Variants in SYCP2 observed in about 807,000 individuals in gnomAD.
The protein encoded by SYCP2 is synaptonemal complex protein 2.
Under a neutral mutation model 211.3 loss-of-function variants are expected in SYCP2, and 55 were observed. The ratio of observed to expected loss-of-function variants is 0.26; its 90% CI spans 0.21 to 0.33. SYCP2 has a LOEUF of 0.33. Among genes scored for constraint, SYCP2 ranks in the 10% least tolerant of loss-of-function variants. The probability of loss-of-function intolerance (pLI) is 1.00; values close to 1 mark genes in which losing one functional copy is unlikely to be tolerated. For synonymous variants in SYCP2, 570 were observed against 555.2 expected (o/e 1.03, Z -0.37); for missense variants, 1,731 against 1,752.0 (o/e 0.99, Z 0.21).
chr20:59,887,939 C>T (rs2059827230), intron 24 of SYCP2, among the ~76,000 whole-genome samples: 4 of 151,960 alleles, frequency 2.6e-5, no homozygotes, highest in Admixed American at 6.6e-5. Flanking sequence ...GGACCAATTC[C>T]TTGAAAGACA....
At chr20:59,881,375 G>C (rs1038812698) in intron 29 of SYCP2, 62 bp downstream of exon 29, 4 of 848,010 alleles carry the variant, frequency 4.7e-6, no homozygotes, top group Non-Finnish European at 1.8e-6. Context: ...CTCTAAGACT[G>C]GGAGGAGATA....
chr20:59,896,467 C>T lies in SYCP2; in HGVS notation c.1466G>A (p.Arg489Lys). The T allele has an allele frequency of 6.2e-7, 1 of 1,609,488 alleles. No homozygotes were observed. The highest frequency in any genetic ancestry group is 1.1e-5 in the South Asian group (1 of 90,734). ...AAGCACTGGACTTCTCATAGTGTAT[C>T]TATCTGCACCAGAAACAATCATTGA... The part of the protein sequence containing the change: ...EASMIVSGAD[R>K]YTMRSPVLFS... The change falls in exon 19 of 45, where the codon AGA (arginine) becomes AAA (lysine). Residue 489 changes from arginine to lysine, a missense_variant. This residue lies in a region of SYCP2 where 1,387 missense variants were observed against 1,351.3 expected (regional missense o/e 1.03). Coordinates refer to ENST00000357552, the MANE Select transcript of SYCP2 (RefSeq NM_014258.4).
At chr20:59,906,979 T>A (rs2060225977) in intron 15 of SYCP2, among the ~76,000 whole-genome samples, 1 of 152,156 alleles carries the variant, frequency 6.6e-6, no homozygotes, top group African/African-American at 2.4e-5. Flanking sequence ...TGATAAAATA[T>A]GTCTTAATAT....
intron 19 of SYCP2, among the ~76,000 whole-genome samples, 197 bp from the exon 20 acceptor site, chr20:59,895,794 T>A (rs1364894555): frequency 2.6e-5 from 4 of 152,040 alleles, no homozygotes; most frequent in African/African-American, 9.7e-5. Flanking sequence ...GGTGGAAAGA[T>A]TAATTTAATT....
At chr20:59,921,852 A>T (rs1441822494) in intron 3 of SYCP2, among the ~76,000 whole-genome samples, 3 of 151,532 alleles carry the variant, frequency 2.0e-5, no homozygotes, top group Non-Finnish European at 4.4e-5. Context: ...AAAAATACAT[A>T]AAGACAGGCA....
chr20:59,896,419 TAA>T lies in SYCP2; in HGVS notation c.1504+8_1504+9del. Reference sequence around the variant, plus strand: ...AATTGTTAGAAATCTTTTAAAACTATAAAACTTACATGTGTTGCTGAAAAGCA... The same window carrying T: ...AATTGTTAGAAATCTTTTAAAACTATAACTTACATGTGTTGCTGAAAAGCA... On this transcript the variant is annotated splice_region_variant and intron_variant, in intron 19 of 44. Coordinates refer to ENST00000357552, the MANE Select transcript of SYCP2 (RefSeq NM_014258.4). The T allele has an allele frequency of 6.8e-7, 1 of 1,469,764 alleles. No homozygotes were observed. The allele number at this position is 1,469,764 out of a possible 1,614,324, so 91.0% of individuals were successfully genotyped here.
intron 31 of SYCP2, among the ~76,000 whole-genome samples, chr20:59,879,858 T>TACACACAC (rs1479737255): frequency 8.6e-6 from 1 of 116,734 alleles, no homozygotes; most frequent in African/African-American, 3.5e-5. Context: ...TATATATATA[T>TACACACAC]ATATACACAC....
Position 59,864,269 on chromosome 20 carries a change from G to C in SYCP2, c.*42C>G. On this transcript the variant is annotated 3_prime_UTR_variant, in exon 45 of 45. Coordinates refer to ENST00000357552, the MANE Select transcript of SYCP2 (RefSeq NM_014258.4). ...ATTCTTATTTCCTCAGTTATATACA[G>C]AGAATAATAATTAGATAAAGTATGG... 1 of 1,343,984 alleles carries C rather than the reference G, an allele frequency of 7.4e-7. No individual in the cohort carries two copies. The highest frequency in any genetic ancestry group is 1.0e-6 in the Non-Finnish European group (1 of 958,062). The allele number at this position is 1,343,984 out of a possible 1,614,324, so 83.3% of individuals were successfully genotyped here.
At position 59,886,845 on chromosome 20, in the gene SYCP2, T is replaced by C. The variant is rs780621463; in HGVS notation, c.2365-11A>G. The C allele has an allele frequency of 5.8e-6, 9 of 1,561,322 alleles. No individual in the cohort carries two copies. The highest frequency in any genetic ancestry group is 1.2e-5 in the South Asian group (1 of 83,324). The stretch of plus-strand genomic sequence containing the variant: ...TTTTGACTTTTCTCTCTGAAAAAAA[T>C]TGTAAGTTACTTTTAAACTCTACCA... On this transcript the variant is annotated splice_polypyrimidine_tract_variant and intron_variant, in intron 24 of 44. Transcript: ENST00000357552.
intron 14 of SYCP2, 68 bp from the exon 15 acceptor site, chr20:59,907,492 A>C (rs971697410): frequency 2.3e-6 from 3 of 1,299,750 alleles, no homozygotes; most frequent in African/African-American, 3.0e-5. Flanking sequence ...TTAAACATCA[A>C]ATTTCAAGTT....
intron 10 of SYCP2, among the ~76,000 whole-genome samples, chr20:59,914,464 ATAAG>A (rs1229148632): frequency 1.3e-5 from 2 of 151,986 alleles, no homozygotes; most frequent in African/African-American, 4.8e-5. Context: ...AACAGAAGAA[ATAAG>A]TAAAATTTAA....
Position 59,919,549 on chromosome 20 carries a change from T to A in SYCP2, c.346A>T (p.Asn116Tyr). The A allele has an allele frequency of 6.2e-7, 1 of 1,610,902 alleles. No homozygotes were observed. The highest frequency in any genetic ancestry group is 1.7e-5 in the Admixed American group (1 of 59,726). ...KSKDIIQSQGNSKDEAVLNMI... is the reference protein window; with the variant it reads ...KSKDIIQSQGYSKDEAVLNMI... Reference sequence around the variant, plus strand: ...TTTAGAACAGCTTCATCTTTTGAATTTCCTTGACTCTGAATAATGTCCTTG... The same window carrying A: ...TTTAGAACAGCTTCATCTTTTGAATATCCTTGACTCTGAATAATGTCCTTG... The change falls in exon 6 of 45, where the codon AAT becomes TAT. Residue 116 changes from asparagine to tyrosine, a missense_variant. This residue lies in a region of SYCP2 where 335 missense variants were observed against 378.8 expected (regional missense o/e 0.88). Transcript: ENST00000357552.
chr20:59,895,426 G>T lies in SYCP2; in HGVS notation c.1665+11C>A. 1 of 1,574,212 alleles carries T rather than the reference G, an allele frequency of 6.4e-7. No individual in the cohort carries two copies. Among genetic ancestry groups the T allele is most frequent in the South Asian group, 1.2e-5 (1 of 84,642 alleles). On this transcript the variant is annotated intron_variant, in intron 20 of 44. Transcript: ENST00000357552. ...AAAAATATTTTTAAAATACTTTCAAGGTAAAGTTACTTTGTCTATATTATC... is the reference window on the plus strand; with the variant it reads ...AAAAATATTTTTAAAATACTTTCAATGTAAAGTTACTTTGTCTATATTATC...
chr20:59,920,611 A>C, intron 4 of SYCP2, 124 bp from the exon 5 acceptor site: 1 of 776,418 alleles, frequency 1.3e-6, no homozygotes, highest in Non-Finnish European at 2.1e-6. Context: ...CATTTTAATC[A>C]TCTCTATATT....
intron 14 of SYCP2, among the ~76,000 whole-genome samples, chr20:59,908,744 T>C (rs188442650): frequency 1.3e-5 from 2 of 152,240 alleles, no homozygotes; most frequent in Non-Finnish European, 2.9e-5. Flanking sequence ...GTTGTAGCAA[T>C]TTTGTTCCAT....
At chr20:59,905,641 G>C (rs544718866) in intron 15 of SYCP2, among the ~76,000 whole-genome samples, 3 of 152,238 alleles carry the variant, frequency 2.0e-5, no homozygotes, top group South Asian at 2.1e-4. Flanking sequence ...AAGAAATTTT[G>C]GGGGTGATAT....
At chr20:59,873,734 C>T (rs2059498908) in intron 35 of SYCP2, 122 bp downstream of exon 35, 3 of 775,734 alleles carry the variant, frequency 3.9e-6, no homozygotes, top group African/African-American at 1.8e-5. Flanking sequence ...TCCCCCAAGA[C>T]CCTAGACCAA....
At chr20:59,933,166 G>C (rs1023083746) in intron 1 of SYCP2, 2 of 152,096 alleles carry the variant, frequency 1.3e-5, no homozygotes, top group Non-Finnish European at 1.5e-5. Context: ...TCCTCGGGCC[G>C]GCGACGCGCG....
At chr20:59,919,618 A>C in intron 5 of SYCP2, 21 bp from the exon 6 acceptor site, 1 of 1,420,444 alleles carries the variant, frequency 7.0e-7, no homozygotes, top group East Asian at 2.3e-5. Flanking sequence ...GAATGAACTT[A>C]TTAGAGTTCC....
Sources: allele counts gnomAD v4.1 joint callset (sites outside exome capture counted in the v4.1 genomes callset), GRCh38; gene constraint gnomAD v4.1.1; regional missense constraint gnomAD v4.1.1; transcripts MANE v1.5; gene names NCBI Gene and HGNC (gene_info 2026-07-23, HGNC 2026-07-21).